Variants in GABRB2 observed in about 807,000 individuals in gnomAD.
GABRB2 encodes the protein gamma-aminobutyric acid receptor subunit beta-2.
GABRB2 carries 16 observed loss-of-function variants against 54.7 expected under a neutral mutation model. The observed-to-expected ratio is 0.29, with a 90% CI of 0.20 to 0.44. The LOEUF (loss-of-function observed/expected upper bound fraction) is 0.44. Among genes scored for constraint, GABRB2 ranks in the 20% least tolerant of loss-of-function variants. The pLI is 1.00. For synonymous variants in GABRB2, 244 were observed against 233.8 expected (o/e 1.04, Z -0.40); for missense variants, 355 against 644.0 (o/e 0.55, Z 4.86).
chr5:161,478,120 A>G (rs1207196138), intron 3 of GABRB2, among the ~76,000 whole-genome samples: 1 of 152,010 alleles, frequency 6.6e-6, no homozygotes, highest in Non-Finnish European at 1.5e-5. Flanking sequence ...TTGAACAATT[A>G]CACTGAGCAA....
chr5:161,459,534 A>G (rs1758058181), intron 4 of GABRB2, 90 bp downstream of exon 4: 2 of 1,090,296 alleles, frequency 1.8e-6, no homozygotes, highest in East Asian at 5.1e-5. Context: ...TTGAAGAAAG[A>G]TAAGGAAAAT....
intron 3 of GABRB2, among the ~76,000 whole-genome samples, chr5:161,535,446 A>T (rs1760603419): frequency 6.6e-6 from 1 of 152,162 alleles, no homozygotes; most frequent in Non-Finnish European, 1.5e-5. Context: ...AACTGTTTCC[A>T]AAAAAATAAG....
chr5:161,506,299 T>C (rs1447716989), intron 3 of GABRB2, among the ~76,000 whole-genome samples: 1 of 152,122 alleles, frequency 6.6e-6, no homozygotes, highest in African/African-American at 2.4e-5. Flanking sequence ...ATTGTTAAGA[T>C]GTCAAATTTC....
chr5:161,380,596 C>T (rs1755434921), intron 5 of GABRB2, among the ~76,000 whole-genome samples: 1 of 151,810 alleles, frequency 6.6e-6, no homozygotes, highest in East Asian at 1.9e-4. Context: ...TGCTAAGTTG[C>T]TAACTTTTCT....
intron 4 of GABRB2, among the ~76,000 whole-genome samples, chr5:161,412,215 T>A (rs1353117768): frequency 6.6e-6 from 1 of 151,906 alleles, no homozygotes; most frequent in Non-Finnish European, 1.5e-5. Context: ...GGTGTGGGAG[T>A]CTCACTCCTC....
At chr5:161,449,714 A>T (rs114171804) in intron 4 of GABRB2, among the ~76,000 whole-genome samples, 242 of 152,288 alleles carry the variant, frequency 1.6e-3, no homozygotes, top group African/African-American at 5.7e-3. Flanking sequence ...ACATATACAA[A>T]TATATACAAA....
chr5:161,401,537 C>T, intron 5 of GABRB2, among the ~76,000 whole-genome samples: 1 of 152,064 alleles, frequency 6.6e-6, no homozygotes, highest in Admixed American at 6.6e-5. Flanking sequence ...AATAGATACC[C>T]TGCACTGCTA....
chr5:161,339,912 C>T (rs2113413828), intron 5 of GABRB2, among the ~76,000 whole-genome samples: 1 of 151,942 alleles, frequency 6.6e-6, no homozygotes, highest in East Asian at 1.9e-4. Flanking sequence ...ATTCCCTGCC[C>T]CACCATTAGG....
intron 3 of GABRB2, among the ~76,000 whole-genome samples, chr5:161,490,265 G>C (rs895298542): frequency 5.3e-5 from 8 of 151,590 alleles, no homozygotes; most frequent in Non-Finnish European, 7.4e-5. Context: ...AGCATTTTGA[G>C]AGATAGAATA....
intron 5 of GABRB2, among the ~76,000 whole-genome samples, chr5:161,344,843 C>T (rs1157731742): frequency 6.6e-6 from 1 of 152,102 alleles, no homozygotes; most frequent in African/African-American, 2.4e-5. Flanking sequence ...GGCACATATA[C>T]ACCATAGAAT....
chr5:161,431,781 T>C (rs1290467476), intron 4 of GABRB2, among the ~76,000 whole-genome samples: 1 of 152,216 alleles, frequency 6.6e-6, no homozygotes, highest in Non-Finnish European at 1.5e-5. Context: ...CATCTAAGAT[T>C]GATAACTTCC....
At chr5:161,437,332 CAG>C (rs1757341258) in intron 4 of GABRB2, among the ~76,000 whole-genome samples, 1 of 151,970 alleles carries the variant, frequency 6.6e-6, no homozygotes, top group South Asian at 2.1e-4. Flanking sequence ...GGCCACTGGT[CAG>C]AGTTATGAGG....
At chr5:161,413,792 G>T (rs1265967149) in intron 4 of GABRB2, among the ~76,000 whole-genome samples, 1 of 152,096 alleles carries the variant, frequency 6.6e-6, no homozygotes, top group Non-Finnish European at 1.5e-5. Flanking sequence ...AAGGACAAGG[G>T]CATATATACA....
At chr5:161,546,896 C>T, upstream of GABRB2, 2 of 587,700 alleles carry the variant, frequency 3.4e-6, no homozygotes, top group South Asian at 3.7e-5. Flanking sequence ...CACCCCACAG[C>T]AGCATCCAGA....
At chr5:161,319,750 T>G (rs144895973) in intron 9 of GABRB2, among the ~76,000 whole-genome samples, 2,304 of 151,968 alleles carry the variant, frequency 0.015, 23 homozygotes, top group Middle Eastern at 0.082. Context: ...TAGAGGTATT[T>G]GAATTTTCAT....
intron 4 of GABRB2, among the ~76,000 whole-genome samples, chr5:161,418,128 A>T (rs1379159678): frequency 1.3e-5 from 2 of 152,202 alleles, no homozygotes; most frequent in African/African-American, 4.8e-5. Context: ...AAATTCAGGC[A>T]CTATTATGAA....
At chr5:161,364,102 A>G (rs1754906121) in intron 5 of GABRB2, among the ~76,000 whole-genome samples, 1 of 152,178 alleles carries the variant, frequency 6.6e-6, no homozygotes, top group Admixed American at 6.5e-5. Context: ...AACATGTGCA[A>G]GTTATAGTAT....
chr5:161,365,817 T>G (rs17059365), intron 5 of GABRB2, among the ~76,000 whole-genome samples: 1 of 152,078 alleles, frequency 6.6e-6, no homozygotes, highest in African/African-American at 2.4e-5. Flanking sequence ...CACAGGAGCC[T>G]CTTAGACAGC....
intron 3 of GABRB2, among the ~76,000 whole-genome samples, chr5:161,468,587 A>G (rs1318320054): frequency 6.6e-6 from 1 of 151,914 alleles, no homozygotes; most frequent in Non-Finnish European, 1.5e-5. Flanking sequence ...AGTACTTACT[A>G]TATTTTTTCA....
Sources: gnomAD v4.1 joint callset for allele counts (sites outside exome capture counted in the v4.1 genomes callset) on GRCh38, gnomAD v4.1.1 for gene constraint, MANE v1.5 for transcripts, NCBI Gene and HGNC (gene_info 2026-07-23, HGNC 2026-07-21) for gene names.